Variants in DLC1 observed in about 807,000 individuals in gnomAD.
The protein encoded by DLC1 is DLC1 Rho GTPase activating protein, also known as rho GTPase-activating protein 7.
Under a neutral mutation model 140.3 loss-of-function variants are expected in DLC1, and 54 were observed. The observed-to-expected ratio is 0.38, with a 90% CI of 0.31 to 0.48. The LOEUF (loss-of-function observed/expected upper bound fraction) is 0.48. Ranked by LOEUF, DLC1 falls within the 20% of genes least tolerant of loss-of-function variation. The pLI, the probability that DLC1 is intolerant of heterozygous loss-of-function variation, is 0.96. For synonymous variants in DLC1, 986 were observed against 728.1 expected, an observed-to-expected ratio of 1.35 and a Z score of -5.70; for missense variants, 2,536 against 1,907.0, an observed-to-expected ratio of 1.33 and a Z score of -6.14.
chr8:13,141,022 A>G (rs1249873843), intron 5 of DLC1, among the ~76,000 whole-genome samples: 4 of 152,128 alleles, frequency 2.6e-5, no homozygotes, highest in Non-Finnish European at 4.4e-5. Context: ...TGGGAGGCCG[A>G]GGCGTGTGGA....
chr8:13,537,843 C>T (rs1240717218), intron 1 of DLC1, among the ~76,000 whole-genome samples: 1 of 151,780 alleles, frequency 6.6e-6, no homozygotes, highest in African/African-American at 2.4e-5. Context: ...TTACTGGAGA[C>T]AGGGTTTCAC....
chr8:13,285,575 A>G (rs1359374471), intron 5 of DLC1, among the ~76,000 whole-genome samples: 1 of 152,208 alleles, frequency 6.6e-6, no homozygotes, highest in East Asian at 1.9e-4. Context: ...CCAACGTCAT[A>G]AGTCATTAGG....
chr8:13,133,310 G>A, intron 5 of DLC1: 1 of 1,211,650 alleles, frequency 8.3e-7, no homozygotes, highest in Non-Finnish European at 1.0e-6. Context: ...CGCTCCGCCA[G>A]CCGGGCCCTC....
intron 10 of DLC1, among the ~76,000 whole-genome samples, chr8:13,098,020 CA>C (rs1818653667): frequency 1.7e-5 from 1 of 57,476 alleles, no homozygotes; most frequent in South Asian, 7.1e-4. Context: ...CCCATCTCTT[CA>C]AAAAGGAAAA....
At chr8:13,454,782 G>T (rs1004857903) in intron 2 of DLC1, among the ~76,000 whole-genome samples, 7 of 152,278 alleles carry the variant, frequency 4.6e-5, no homozygotes, top group Admixed American at 2.6e-4. Flanking sequence ...TCAAACTCCT[G>T]TCCTCAAGTG....
At chr8:13,388,886 A>G (rs1235008808) in intron 4 of DLC1, among the ~76,000 whole-genome samples, 1 of 152,064 alleles carries the variant, frequency 6.6e-6, no homozygotes, top group Admixed American at 6.6e-5. Flanking sequence ...ATTGTTCAGT[A>G]AAACTCTTCT....
At chr8:13,299,464 A>T (rs1246065724) in intron 5 of DLC1, among the ~76,000 whole-genome samples, 3 of 149,712 alleles carry the variant, frequency 2.0e-5, no homozygotes, top group South Asian at 4.2e-4. Flanking sequence ...AAGAAAAAAA[A>T]AAAAGCTCCT....
intron 2 of DLC1, among the ~76,000 whole-genome samples, chr8:13,491,046 T>C (rs963056242): frequency 2.7e-5 from 4 of 147,910 alleles, no homozygotes; most frequent in Admixed American, 6.8e-5. Context: ...ATTTAGAATA[T>C]ATATTCTGAG....
At chr8:13,086,597 G>T in intron 16 of DLC1, 134 bp from the exon 17 acceptor site, 1 of 938,152 alleles carries the variant, frequency 1.1e-6, no homozygotes. Flanking sequence ...CCCAGGCCTA[G>T]GTAAATGGCA....
chr8:13,093,316 A>C (rs1386230488), intron 12 of DLC1, among the ~76,000 whole-genome samples: 2 of 152,282 alleles, frequency 1.3e-5, no homozygotes, highest in Non-Finnish European at 2.9e-5. Context: ...GCATGAGTTT[A>C]ACTGATTTGT....
chr8:13,585,765 T>G (rs2117457190), intron 1 of DLC1, among the ~76,000 whole-genome samples: 1 of 152,290 alleles, frequency 6.6e-6, no homozygotes, highest in East Asian at 1.9e-4. Context: ...CATTCATATT[T>G]TATTCTACCC....
intron 16 of DLC1, among the ~76,000 whole-genome samples, chr8:13,087,649 T>C (rs967160726): frequency 6.6e-6 from 1 of 152,196 alleles, no homozygotes; most frequent in African/African-American, 2.4e-5. Flanking sequence ...AAGAGCCCAT[T>C]TGAAGTGTAG....
intron 5 of DLC1, among the ~76,000 whole-genome samples, chr8:13,290,680 C>T (rs1302984231): frequency 6.6e-6 from 1 of 151,958 alleles, no homozygotes; most frequent in Non-Finnish European, 1.5e-5. Flanking sequence ...GGGAAAAGTG[C>T]CAATTGCTGA....
chr8:13,229,047 A>G (rs1729164), intron 5 of DLC1, among the ~76,000 whole-genome samples: 79,055 of 151,960 alleles, frequency 0.52, 21,143 homozygotes, highest in East Asian at 0.84. Context: ...AGTTAGTAGC[A>G]TTGCCATGTG....
rs1823569025 is a variant in DLC1, at chr8:13,148,154, G to T, written c.1349-32497C>A. Among the ~76,000 whole-genome samples the T allele has an allele frequency of 1.3e-5, 2 of 151,788 alleles. 1 individual carries two copies. Among genetic ancestry groups the T allele is most frequent in the East Asian group, 3.9e-4 (2 of 5,166 alleles). On this transcript the variant is annotated intron_variant, in intron 5 of 17. Transcript: ENST00000276297. ...TTAATTTTAGGTCTGGGGTACATGT[G>T]CAGGTGACATAGGTAAACTTGTTAC...
At chr8:13,486,112 G>C (rs1219148521) in intron 2 of DLC1, among the ~76,000 whole-genome samples, 2 of 152,182 alleles carry the variant, frequency 1.3e-5, no homozygotes, top group Admixed American at 6.5e-5. Context: ...AGTGGACAGA[G>C]ATCACATTTA....
intron 4 of DLC1, among the ~76,000 whole-genome samples, chr8:13,347,294 A>C (rs772942351): frequency 3.9e-5 from 6 of 152,200 alleles, no homozygotes; most frequent in African/African-American, 1.4e-4. Context: ...TTTTTGAAAA[A>C]CAAAACCACA....
At chr8:13,257,888 T>C (rs1015253018) in intron 5 of DLC1, among the ~76,000 whole-genome samples, 3 of 152,220 alleles carry the variant, frequency 2.0e-5, no homozygotes, top group Non-Finnish European at 2.9e-5. Context: ...TTTGTATGCA[T>C]TTTATCAAAG....
At chr8:13,271,955 G>A (rs1379242088) in intron 5 of DLC1, among the ~76,000 whole-genome samples, 5 of 152,216 alleles carry the variant, frequency 3.3e-5, no homozygotes, top group East Asian at 1.9e-4. Context: ...GATTACAGGC[G>A]TGAGCCACTG....
Sources: allele counts gnomAD v4.1 joint callset (sites outside exome capture counted in the v4.1 genomes callset), GRCh38; gene constraint gnomAD v4.1.1; transcripts MANE v1.5; gene names NCBI Gene and HGNC (gene_info 2026-07-23, HGNC 2026-07-21).